The following SORCS3 variants were observed in gnomAD, a reference collection of about 807,000 sequenced individuals.
The protein encoded by SORCS3 is sortilin related VPS10 domain containing receptor 3, also known as VPS10 domain-containing receptor SorCS3.
SORCS3 carries 57 observed loss-of-function variants against 146.3 expected under a neutral mutation model. The observed-to-expected ratio is 0.39, with a 90% CI of 0.31 to 0.49. The LOEUF (loss-of-function observed/expected upper bound fraction) is 0.49. Ranked by LOEUF, SORCS3 falls within the 20% of genes least tolerant of loss-of-function variation. The pLI is 0.92. For missense variants in SORCS3, 1,341 were observed against 1,575.5 expected (o/e 0.85, Z 2.52); for synonymous variants, 653 against 618.5 (o/e 1.06, Z -0.83).
At chr10:104,904,442 G>T (rs2018882485) in intron 2 of SORCS3, among the ~76,000 whole-genome samples, 1 of 151,862 alleles carries the variant, frequency 6.6e-6, no homozygotes, top group Non-Finnish European at 1.5e-5. Flanking sequence ...TCTATTCTAG[G>T]GAAACAAATA....
chr10:104,918,654 G>C (rs2019056927), intron 3 of SORCS3, among the ~76,000 whole-genome samples: 1 of 152,106 alleles, frequency 6.6e-6, no homozygotes, highest in Admixed American at 6.5e-5. Flanking sequence ...TTGTCAGTTG[G>C]TCTGATGACT....
intron 1 of SORCS3, among the ~76,000 whole-genome samples, chr10:104,688,045 G>T: frequency 6.6e-6 from 1 of 152,214 alleles, no homozygotes; most frequent in Non-Finnish European, 1.5e-5. Context: ...TCATAGCATT[G>T]TCAGATTTAG....
intron 2 of SORCS3, among the ~76,000 whole-genome samples, chr10:104,847,915 A>ATTCCCAGGCACTTCCTGCTGGAGACC (rs1259477714): frequency 6.6e-6 from 1 of 151,924 alleles, no homozygotes; most frequent in African/African-American, 2.4e-5. Flanking sequence ...GAGAGTACGG[A>ATTCCCAGGCACTTCCTGCTGGAGACC]TTCCCAGGCA....
intron 9 of SORCS3, among the ~76,000 whole-genome samples, chr10:105,153,011 A>G (rs1187902387): frequency 6.6e-6 from 1 of 152,046 alleles, no homozygotes; most frequent in Non-Finnish European, 1.5e-5. Flanking sequence ...AAGTTCTGTG[A>G]GTTTTGATTT....
intron 1 of SORCS3, among the ~76,000 whole-genome samples, chr10:104,696,120 A>G (rs1490578300): frequency 2.5e-5 from 3 of 117,886 alleles, no homozygotes; most frequent in Admixed American, 2.1e-4. Context: ...TATTATATAT[A>G]ATATATATCA....
At chr10:104,708,094 C>G (rs2016359752) in intron 1 of SORCS3, among the ~76,000 whole-genome samples, 1 of 152,324 alleles carries the variant, frequency 6.6e-6, no homozygotes, top group Non-Finnish European at 1.5e-5. Flanking sequence ...GAACTACACT[C>G]ATTGTTTATC....
chr10:104,982,107 T>C (rs1213696674), intron 4 of SORCS3, among the ~76,000 whole-genome samples: 3 of 152,126 alleles, frequency 2.0e-5, no homozygotes, highest in African/African-American at 7.2e-5. Context: ...TCCGACAAGA[T>C]CAATAGTAGC....
chr10:105,251,933 G>T (rs1215589984), intron 22 of SORCS3, among the ~76,000 whole-genome samples: 2 of 152,110 alleles, frequency 1.3e-5, no homozygotes, highest in African/African-American at 4.8e-5. Context: ...GAAATGTAAG[G>T]AAATAGATTG....
rs560903840 is a variant in SORCS3, at chr10:104,724,705, T to A, written c.627+82751T>A. ...TATTCTTTTTTCTCTAAACTTCTCT[T>A]CTTGCTTCATTTCATTCATTTGATC... On this transcript the variant is annotated intron_variant, in intron 1 of 26. Transcript: ENST00000369701. Among the ~76,000 whole-genome samples, 42 of 152,302 alleles carry A rather than the reference T, an allele frequency of 2.8e-4. 1 individual carries two copies. In the South Asian group the frequency reaches 8.5e-3, roughly 31 times the overall value.
At chr10:104,686,500 A>G (rs2016044952) in intron 1 of SORCS3, among the ~76,000 whole-genome samples, 1 of 152,160 alleles carries the variant, frequency 6.6e-6, no homozygotes, top group Admixed American at 6.5e-5. Flanking sequence ...CAGTTGGTAA[A>G]TTGCAGAGAT....
intron 7 of SORCS3, among the ~76,000 whole-genome samples, chr10:105,108,223 C>T (rs565447652): frequency 2.0e-5 from 3 of 152,210 alleles, no homozygotes; most frequent in African/African-American, 7.2e-5. Context: ...CAGAGAGGAG[C>T]GTGGAGCCAG....
At chr10:105,159,247 G>C (rs894859032) in intron 11 of SORCS3, among the ~76,000 whole-genome samples, 2 of 152,160 alleles carry the variant, frequency 1.3e-5, no homozygotes, top group Non-Finnish European at 2.9e-5. Flanking sequence ...AGAGGCCAGA[G>C]TTTCTCTCAA....
At chr10:104,891,161 G>C (rs1001029910) in intron 2 of SORCS3, among the ~76,000 whole-genome samples, 1 of 152,148 alleles carries the variant, frequency 6.6e-6, no homozygotes, top group Non-Finnish European at 1.5e-5. Context: ...GTTTTCTGAG[G>C]TATTCTACCT....
intron 4 of SORCS3, among the ~76,000 whole-genome samples, chr10:105,009,989 T>G (rs1161213410): frequency 6.6e-6 from 1 of 152,160 alleles, no homozygotes; most frequent in African/African-American, 2.4e-5. Flanking sequence ...AACCCAAACA[T>G]AATCTAAGAT....
chr10:105,164,500 G>A (rs1403134142), intron 12 of SORCS3, 121 bp downstream of exon 12: 4 of 795,356 alleles, frequency 5.0e-6, no homozygotes, highest in South Asian at 3.1e-5. Context: ...ATTTGAAGCA[G>A]CTGTTCAGTT....
chr10:104,729,922 T>C (rs529203448), intron 1 of SORCS3, among the ~76,000 whole-genome samples: 15 of 152,244 alleles, frequency 9.9e-5, no homozygotes, highest in Non-Finnish European at 1.9e-4. Flanking sequence ...TTAATCTCTC[T>C]GAGCCTCAGT....
At chr10:105,162,394 A>C (rs1458699817) in intron 11 of SORCS3, among the ~76,000 whole-genome samples, 3 of 151,834 alleles carry the variant, frequency 2.0e-5, no homozygotes, top group Admixed American at 2.0e-4. Flanking sequence ...GTTGGCAGCC[A>C]CTCTAGCTGA....
chr10:105,137,815 A>G (rs1010264479), intron 7 of SORCS3, among the ~76,000 whole-genome samples: 4 of 150,334 alleles, frequency 2.7e-5, no homozygotes, highest in Non-Finnish European at 4.5e-5. Flanking sequence ...CTATTGATCT[A>G]GTTTCTGGGT....
chr10:104,756,943 G>A (rs1211705881), intron 1 of SORCS3, among the ~76,000 whole-genome samples: 2 of 152,112 alleles, frequency 1.3e-5, no homozygotes, highest in African/African-American at 4.8e-5. Flanking sequence ...GACCACTGGA[G>A]ATAGTCCCTT....
Sources: gnomAD v4.1 joint callset for allele counts (sites outside exome capture counted in the v4.1 genomes callset) on GRCh38, gnomAD v4.1.1 for gene constraint, MANE v1.5 for transcripts, NCBI Gene and HGNC (gene_info 2026-07-23, HGNC 2026-07-21) for gene names.